The following CTH variants were observed in gnomAD, a reference collection of about 807,000 sequenced individuals.
CTH encodes the protein cystathionase (cystathionine gamma-lyase).
In CTH, 41 loss-of-function variants were observed where a neutral mutation model predicts 50.6. That is an observed-to-expected ratio of 0.81 (90% CI 0.63 to 1.05). CTH has a LOEUF of 1.05. Ranked by LOEUF, CTH falls within the 50% of genes least tolerant of loss-of-function variation. The pLI is 0.00. For synonymous variants in CTH, 156 were observed against 168.9 expected, an observed-to-expected ratio of 0.92 and a Z score of 0.59; for missense variants, 470 against 492.6, an observed-to-expected ratio of 0.95 and a Z score of 0.43.
chr1:70,415,843 C>A, intron 1 of CTH, 113 bp from the exon 2 acceptor site: 2 of 722,676 alleles, frequency 2.8e-6, no homozygotes, highest in Non-Finnish European at 2.6e-6. Context: ...CAAGACATAT[C>A]ATGACTAAAG....
chr1:70,431,850 C>T (rs1684482276), intron 7 of CTH, among the ~76,000 whole-genome samples: 1 of 152,110 alleles, frequency 6.6e-6, no homozygotes, highest in South Asian at 2.1e-4. Context: ...TATCATTGTG[C>T]TTTTACTTAG....
At chr1:70,435,641 G>C (rs1684582108) in intron 10 of CTH, among the ~76,000 whole-genome samples, 1 of 151,738 alleles carries the variant, frequency 6.6e-6, no homozygotes, top group Non-Finnish European at 1.5e-5. Context: ...TTTGTTTTCT[G>C]TTCTCTGTAG....
At chr1:70,415,277 A>G (rs1684066339) in intron 1 of CTH, among the ~76,000 whole-genome samples, 1 of 152,094 alleles carries the variant, frequency 6.6e-6, no homozygotes, top group Non-Finnish European at 1.5e-5. Context: ...GGTGACATGC[A>G]CCTGTAGTCT....
intron 1 of CTH, among the ~76,000 whole-genome samples, chr1:70,413,408 C>T (rs975816776): frequency 6.6e-6 from 1 of 151,694 alleles, no homozygotes. Context: ...GGATTACAGG[C>T]GCCTGCCACT....
chr1:70,422,673 G>A lies in CTH; in HGVS notation c.456+998G>A, dbSNP rs531345674. ...GTCACCCAGGCTGTAGTGCAATGGCGCAATCCCAGCTCACTGCAAGCTCTG... is the reference window on the plus strand; with the variant it reads ...GTCACCCAGGCTGTAGTGCAATGGCACAATCCCAGCTCACTGCAAGCTCTG... On this transcript the variant is annotated intron_variant, in intron 4 of 11. Coordinates refer to ENST00000370938, the MANE Select transcript of CTH (RefSeq NM_001902.6). Among the ~76,000 whole-genome samples the A allele has an allele frequency of 2.4e-4, 35 of 147,544 alleles. No individual in the cohort carries two copies. The South Asian group carries it at 6.5e-3, about 27-fold the overall frequency.
At chr1:70,424,103 C>T (rs779172628) in intron 4 of CTH, among the ~76,000 whole-genome samples, 182 bp from the exon 5 acceptor site, 6 of 152,154 alleles carry the variant, frequency 3.9e-5, no homozygotes, top group Non-Finnish European at 8.8e-5. Context: ...CAATAGGATA[C>T]ATTACATACC....
intron 1 of CTH, among the ~76,000 whole-genome samples, chr1:70,413,981 A>G (rs2101726076): frequency 6.6e-6 from 1 of 150,384 alleles, no homozygotes; most frequent in South Asian, 2.1e-4. Flanking sequence ...ACCTCAGGTG[A>G]TTCACCTCTG....
At chr1:70,421,470 G>T in intron 3 of CTH, 96 bp from the exon 4 acceptor site, 1 of 1,293,766 alleles carries the variant, frequency 7.7e-7, no homozygotes. Flanking sequence ...TGGTGACTGA[G>T]AGTTCCATAT....
chr1:70,428,697 G>A (rs909986146), intron 5 of CTH, among the ~76,000 whole-genome samples: 1 of 151,958 alleles, frequency 6.6e-6, no homozygotes, highest in Admixed American at 6.6e-5. Context: ...TGCAACCTCT[G>A]CCTCCTGGGT....
chr1:70,434,514 C>A (rs910770572), intron 9 of CTH, among the ~76,000 whole-genome samples: 3 of 152,050 alleles, frequency 2.0e-5, no homozygotes, highest in Admixed American at 2.0e-4. Context: ...CTGGTGTCAC[C>A]TTAATTTAAT....
Position 70,439,222 on chromosome 1 carries a change from A to G in CTH, c.*95A>G. Reference sequence around the variant, plus strand: ...ACAATGAGCCTTTGCAAAATTTTCAAGCGGAAATTTTAAGGCACCTCATTA... The same window carrying G: ...ACAATGAGCCTTTGCAAAATTTTCAGGCGGAAATTTTAAGGCACCTCATTA... On this transcript the variant is annotated 3_prime_UTR_variant, in exon 12 of 12. Transcript: ENST00000370938. 1 of 1,219,614 alleles carries G rather than the reference A, an allele frequency of 8.2e-7. No individual in the cohort carries two copies. Among genetic ancestry groups the G allele is most frequent in the Non-Finnish European group, 1.2e-6 (1 of 823,034 alleles). The allele number at this position is 1,219,614 out of a possible 1,614,324, so 75.5% of individuals were successfully genotyped here.
At chr1:70,424,652 A>T (rs567772063) in intron 5 of CTH, among the ~76,000 whole-genome samples, 1 of 152,300 alleles carries the variant, frequency 6.6e-6, no homozygotes, top group South Asian at 2.1e-4. Flanking sequence ...AAAGCTTACC[A>T]GTTCTCAGGG....
intron 1 of CTH, among the ~76,000 whole-genome samples, chr1:70,413,833 C>G (rs1165230050): frequency 6.6e-6 from 1 of 150,742 alleles, no homozygotes; most frequent in Non-Finnish European, 1.5e-5. Context: ...CCTCCACCTC[C>G]TGGGTTCAAG....
At chr1:70,428,690 A>G (rs1225627480) in intron 5 of CTH, among the ~76,000 whole-genome samples, 1 of 152,054 alleles carries the variant, frequency 6.6e-6, no homozygotes, top group Non-Finnish European at 1.5e-5. Flanking sequence ...AGCTCACTGC[A>G]ACCTCTGCCT....
At chr1:70,416,971 A>G (rs1684107247) in intron 2 of CTH, among the ~76,000 whole-genome samples, 2 of 151,600 alleles carry the variant, frequency 1.3e-5, no homozygotes, top group South Asian at 4.2e-4. Flanking sequence ...GGGATTATAG[A>G]TGTGAGCCAC....
intron 5 of CTH, among the ~76,000 whole-genome samples, chr1:70,425,335 C>G (rs1467292771): frequency 6.6e-6 from 1 of 152,154 alleles, no homozygotes; most frequent in African/African-American, 2.4e-5. Flanking sequence ...TTACAAACAG[C>G]AATTTATTTC....
chr1:70,433,935 C>G lies in CTH; in HGVS notation c.985C>G (p.Leu329Val), dbSNP rs1274332835. ...CACTCTTCAGCATGCTGAGATTTTC[C>G]TCAAGAACCTAAAGGTAAACTTACA... ...KGTLQHAEIF[L>V]KNLKLFTLAE... Residue 329 changes from leucine (L) to valine (V), a missense_variant, in exon 9 of 12, where the codon CTC (leucine) becomes GTC (valine). Physicochemically the swap from Leu to Val is conservative, Grantham distance 32. Coordinates refer to ENST00000370938, the MANE Select transcript of CTH (RefSeq NM_001902.6). 2.5e-6 allele frequency: 4 copies of G among 1,614,010 alleles called. No individual in the cohort carries two copies. The highest frequency in any genetic ancestry group is 3.4e-6 in the Non-Finnish European group (4 of 1,179,922).
intron 7 of CTH, 132 bp from the exon 8 acceptor site, chr1:70,431,950 AT>A: frequency 3.5e-6 from 3 of 863,636 alleles, no homozygotes; most frequent in Non-Finnish European, 5.7e-6. Context: ...TTGATATATT[AT>A]TTTCCTCCTA....
chr1:70,429,090 C>T (rs535515474), intron 5 of CTH, among the ~76,000 whole-genome samples: 8 of 152,054 alleles, frequency 5.3e-5, no homozygotes, highest in East Asian at 1.9e-4. Context: ...AACTCCCAGC[C>T]GTCTAGATTT....
Sources: allele counts gnomAD v4.1 joint callset (sites outside exome capture counted in the v4.1 genomes callset), GRCh38; gene constraint gnomAD v4.1.1; transcripts MANE v1.5; gene names NCBI Gene and HGNC (gene_info 2026-07-23, HGNC 2026-07-21).